The following KDM6A variants were observed in gnomAD, a reference collection of about 807,000 sequenced individuals.
KDM6A encodes lysine-specific demethylase 6A.
Under a neutral mutation model 117.6 loss-of-function variants are expected in KDM6A, and 11 were observed. That is an observed-to-expected ratio of 0.09 (90% CI 0.06 to 0.15). The LOEUF is 0.15. Ranked by LOEUF, KDM6A falls within the 10% of genes least tolerant of loss-of-function variation. The probability of loss-of-function intolerance (pLI) is 1.00; values close to 1 mark genes in which losing one functional copy is unlikely to be tolerated. For synonymous variants in KDM6A, 384 were observed against 396.1 expected (o/e 0.97, Z 0.36); for missense variants, 799 against 1,077.3 (o/e 0.74, Z 3.62).
chrX:44,884,945 A>G (rs1021471159), intron 2 of KDM6A, among the ~76,000 whole-genome samples: 10 of 111,631 alleles, frequency 9.0e-5, no homozygotes, highest in African/African-American at 3.3e-4. Context: ...GTCTTAGTAA[A>G]TGTCACTTAC....
chrX:45,060,483 C>T (rs1325607456), intron 13 of KDM6A, 126 bp from the exon 14 acceptor site: 1 of 552,763 alleles, frequency 1.8e-6, no homozygotes, highest in Non-Finnish European at 2.6e-6. Context: ...TTTTGATTTT[C>T]AATCATTGCA....
intron 3 of KDM6A, among the ~76,000 whole-genome samples, chrX:44,963,479 G>GTC (rs1217912003): frequency 0.055 from 1,405 of 25,437 alleles, 14 homozygotes; most frequent in South Asian, 0.11. Flanking sequence ...GTGTGTGTGT[G>GTC]TGTGTGTCTG....
chrX:44,899,262 TG>T (rs2034168645), intron 2 of KDM6A, among the ~76,000 whole-genome samples: 1 of 100,607 alleles, frequency 9.9e-6, no homozygotes, highest in African/African-American at 3.7e-5. Flanking sequence ...TGTGTGTGTG[TG>T]TTTTCCATTG....
intron 27 of KDM6A, among the ~76,000 whole-genome samples, chrX:45,104,274 C>T (rs2046447568): frequency 3.6e-5 from 4 of 112,560 alleles, no homozygotes; most frequent in East Asian, 5.6e-4. Context: ...TCACCCGTCT[C>T]GGCCTGCCAA....
intron 3 of KDM6A, among the ~76,000 whole-genome samples, chrX:44,967,188 T>A (rs1051220200): frequency 1.3e-4 from 14 of 111,540 alleles, no homozygotes; most frequent in African/African-American, 4.6e-4. Flanking sequence ...ATTCTCTATC[T>A]GTTCTCTTCA....
chrX:44,999,587 T>C (rs2041038942), intron 4 of KDM6A, among the ~76,000 whole-genome samples: 1 of 111,723 alleles, frequency 9.0e-6, no homozygotes, highest in Non-Finnish European at 1.9e-5. Flanking sequence ...AGTTTAAAAG[T>C]AGAAGGTAAA....
chrX:44,975,884 C>A (rs945338857), intron 4 of KDM6A, among the ~76,000 whole-genome samples: 1 of 111,926 alleles, frequency 8.9e-6, no homozygotes, highest in Admixed American at 9.4e-5. Context: ...TACACATGCA[C>A]TGGGGGAATG....
intron 4 of KDM6A, among the ~76,000 whole-genome samples, chrX:45,005,342 T>C (rs2147529634): frequency 9.0e-6 from 1 of 110,757 alleles, no homozygotes; most frequent in African/African-American, 3.3e-5. Flanking sequence ...CGCTGGAGTC[T>C]TTAGGCATGA....
Position 45,060,634 on chromosome X carries a change from C to G in KDM6A, c.1355C>G (p.Thr452Ser). 1.9e-6 allele frequency: 2 copies of G among 1,068,156 alleles called. No homozygotes were observed. The highest frequency in any genetic ancestry group is 4.3e-5 in the East Asian group (1 of 23,023). The allele number at this position is 1,068,156 out of a possible 1,213,427, so 88.0% of individuals were successfully genotyped here. The part of the protein sequence containing the change: ...QQACKPHHPN[T>S]EPVLGLSQTP... ...GCATGTAAACCTCATCATCCAAATA[C>G]TGAACCTGTATTAGGCCTCAGTCAA... The change falls in exon 14 of 30, where the codon ACT becomes AGT. Residue 452 changes from threonine (T) to serine (S), a missense_variant. Transcript: ENST00000611820.
At chrX:45,069,021 A>T (rs1434262163) in intron 17 of KDM6A, among the ~76,000 whole-genome samples, 1 of 110,879 alleles carries the variant, frequency 9.0e-6, no homozygotes, top group African/African-American at 3.3e-5. Context: ...ATATGTGTGG[A>T]TGGATAGATG....
chrX:44,985,509 C>A (rs922507920), intron 4 of KDM6A, among the ~76,000 whole-genome samples: 1 of 111,339 alleles, frequency 9.0e-6, no homozygotes, highest in African/African-American at 3.3e-5. Context: ...GGAGTGTTTC[C>A]AGTTTTTGCC....
At chrX:45,045,470 C>T (rs567743965) in intron 8 of KDM6A, among the ~76,000 whole-genome samples, 1 of 108,560 alleles carries the variant, frequency 9.2e-6, no homozygotes, top group Admixed American at 1.0e-4. Context: ...CCTGTAGTCC[C>T]AGCTACTCGG....
At chrX:45,099,478 T>A (rs2046248898) in intron 27 of KDM6A, among the ~76,000 whole-genome samples, 1 of 111,147 alleles carries the variant, frequency 9.0e-6, no homozygotes, top group South Asian at 3.7e-4. Flanking sequence ...ATTTGTTTTC[T>A]CATAATTGTA....
intron 6 of KDM6A, among the ~76,000 whole-genome samples, chrX:45,025,674 T>C (rs1441639721): frequency 3.6e-5 from 4 of 112,334 alleles, no homozygotes; most frequent in Non-Finnish European, 7.5e-5. Context: ...GACACCCTTA[T>C]TCTTCAGTCA....
intron 2 of KDM6A, among the ~76,000 whole-genome samples, chrX:44,950,010 A>G (rs1443218356): frequency 9.1e-6 from 1 of 110,435 alleles, no homozygotes; most frequent in Non-Finnish European, 1.9e-5. Flanking sequence ...ATAAAGGGTT[A>G]TAATGCCAAC....
rs752444214 is a variant in KDM6A, at chrX:45,063,754, C to A, written c.2016C>A (p.Asn672Lys). 8 of 1,207,241 alleles carry A rather than the reference C, an allele frequency of 6.6e-6. No homozygotes were observed. The highest frequency in any genetic ancestry group is 9.0e-6 in the Non-Finnish European group (8 of 892,915). Residue 672 changes from asparagine (N) to lysine (K), a missense_variant, in exon 17 of 30, where the codon AAC (asparagine) becomes AAA (lysine). Asn to Lys is a moderately conservative substitution (Grantham distance 94). Around this residue, in one of 8 missense-constraint regions of KDM6A, gnomAD observed 301 missense variants for 318.3 expected, o/e 0.95. Coordinates refer to ENST00000611820, the MANE Select transcript of KDM6A (RefSeq NM_001291415.2). ...LQRNALTLPH[N>K]RTNLTSSAEE... ...GAAACGCACTCACTCTACCTCATAA[C>A]CGCACAAACCTGACCAGCAGCGCAG... is the stretch of plus-strand genomic sequence containing the variant.
At chrX:44,979,431 A>G (rs2039778359) in intron 4 of KDM6A, among the ~76,000 whole-genome samples, 1 of 93,471 alleles carries the variant, frequency 1.1e-5, no homozygotes, top group Non-Finnish European at 2.1e-5. Context: ...GTTCTTCCTT[A>G]TCTTCTTCCT....
chrX:44,957,841 A>T (rs2038427543), intron 2 of KDM6A, among the ~76,000 whole-genome samples: 1 of 111,739 alleles, frequency 8.9e-6, no homozygotes, highest in African/African-American at 3.3e-5. Flanking sequence ...TAGTATACGG[A>T]TTGAATATTA....
intron 10 of KDM6A, among the ~76,000 whole-genome samples, chrX:45,054,635 T>C (rs1344227331): frequency 1.8e-5 from 2 of 112,045 alleles, no homozygotes; most frequent in Non-Finnish European, 3.8e-5. Context: ...AGTTTTAGAC[T>C]ATCATCAGGT....
Sources: allele counts gnomAD v4.1 joint callset (sites outside exome capture counted in the v4.1 genomes callset), GRCh38; gene constraint gnomAD v4.1.1; regional missense constraint gnomAD v4.1.1; transcripts MANE v1.5; gene names NCBI Gene and HGNC (gene_info 2026-07-23, HGNC 2026-07-21).